Variants in HOXC4 observed in about 807,000 individuals in gnomAD.
HOXC4 encodes the protein homeobox protein Hox-C4.
Under a neutral mutation model 25.5 loss-of-function variants are expected in HOXC4, and 15 were observed. That is an observed-to-expected ratio of 0.59 (90% confidence interval 0.39 to 0.91). The LOEUF is 0.91. HOXC4 is among the 40% of genes least tolerant of loss of function. HOXC4 has a pLI of 0.00. For missense variants in HOXC4, 342 were observed against 352.4 expected (o/e 0.97, Z 0.24); for synonymous variants, 165 against 148.0 (o/e 1.11, Z -0.83).
rs749663420 is a variant in HOXC4 at position 54,030,260 on chromosome 12, C to G, written c.-124+12846C>G. The stretch of plus-strand genomic sequence containing the variant: ...GCTCGGACCCTGAACTCAGACTCTA[C>G]AGATTGCCCTCCAAGTGAGGACTTG... On this transcript the variant is annotated intron_variant, in intron 1 of 3. Coordinates refer to the HOXC4 transcript ENST00000303406. 3.8e-5 allele frequency: 9 copies of G among 237,032 alleles called. No homozygotes were observed. The Middle Eastern group carries it at 5.3e-3, about 139-fold the overall frequency. 14.7% of individuals were successfully genotyped at this position (237,032 alleles called of 1,614,324 possible).
Position 54,055,057 on chromosome 12 carries a change from G to T in HOXC4, c.647G>T (p.Arg216Leu). ...NRRMKWKKDH[R>L]LPNTKVRSAP... Reference sequence around the variant, plus strand: ...CGCATGAAATGGAAGAAGGACCACCGACTCCCCAACACCAAAGTCAGGTCA... The same window carrying T: ...CGCATGAAATGGAAGAAGGACCACCTACTCCCCAACACCAAAGTCAGGTCA... The change falls in exon 2 of 2, where the codon CGA becomes CTA. Residue 216 changes from arginine to leucine, a missense_variant. Transcript: ENST00000430889. The T allele has an allele frequency of 6.2e-7, 1 of 1,613,572 alleles. No homozygotes were observed. The highest frequency in any genetic ancestry group is 1.1e-5 in the South Asian group (1 of 91,014).
chr12:54,034,123 G>C, intron 1 of HOXC4: 6 of 763,320 alleles, frequency 7.9e-6, no homozygotes, highest in Non-Finnish European at 1.4e-5. Flanking sequence ...CCCGGGGCTG[G>C]GCTGGGCTGG....
chr12:54,019,283 T>C (rs972989732), intron 1 of HOXC4, among the ~76,000 whole-genome samples: 1 of 144,410 alleles, frequency 6.9e-6, no homozygotes, highest in Admixed American at 7.5e-5. Flanking sequence ...TCTCCCCAAA[T>C]GGGCCCAGCC....
chr12:54,029,748 A>G, intron 1 of HOXC4: 1 of 1,614,156 alleles, frequency 6.2e-7, no homozygotes, highest in Non-Finnish European at 8.5e-7. Flanking sequence ...TTCAATCGCT[A>G]CCTAACGCGG....
At chr12:54,052,572 G>C (rs865866823), upstream of HOXC4, among the ~76,000 whole-genome samples, 3 of 149,186 alleles carry the variant, frequency 2.0e-5, no homozygotes, top group South Asian at 2.1e-4. Flanking sequence ...CCCTAGCTGG[G>C]GGGGGGGGGT....
At position 54,055,415 on chromosome 12, in the gene HOXC4, G is replaced by C. The variant is rs1324586099; in HGVS notation, c.*210G>C. 5.2e-6 allele frequency: 1 copy of C among 193,092 alleles called. No individual in the cohort carries two copies. The highest frequency in any genetic ancestry group is 1.1e-4 in the East Asian group (1 of 8,696). The allele number at this position is 193,092 out of a possible 1,614,324, so 12.0% of individuals were successfully genotyped here. ...GCCCTCCTCTCCCTCCCACTGTTAA[G>C]GACCCTTTTAAGCATGTGATGTTGT... On this transcript the variant is annotated 3_prime_UTR_variant, in exon 2 of 2. Coordinates refer to ENST00000430889, the MANE Select transcript of HOXC4 (RefSeq NM_153633.3).
intron 1 of HOXC4, among the ~76,000 whole-genome samples, chr12:54,043,485 C>T (rs1312687360): frequency 6.6e-6 from 1 of 152,122 alleles, no homozygotes; most frequent in Admixed American, 6.5e-5. Flanking sequence ...AGGTCAGAAG[C>T]CTGGGCTGGA....
intron 1 of HOXC4, chr12:54,034,219 CG>C: frequency 6.8e-7 from 1 of 1,467,942 alleles, no homozygotes; most frequent in Non-Finnish European, 9.5e-7. Context: ...GGGGTGGGGA[CG>C]GGGGAACGCT....
chr12:54,048,292 G>T (rs1937765941), intron 1 of HOXC4, among the ~76,000 whole-genome samples: 1 of 152,054 alleles, frequency 6.6e-6, no homozygotes, highest in South Asian at 2.1e-4. Context: ...AGGAGACCGC[G>T]CTCTCCAAAG....
chr12:54,040,476 G>A (rs751307130), intron 1 of HOXC4, among the ~76,000 whole-genome samples: 1 of 152,108 alleles, frequency 6.6e-6, no homozygotes, highest in Admixed American at 6.6e-5. Context: ...AGCCTCCTCT[G>A]TCAGTCCCTG....
chr12:54,019,531 A>G (rs998793498), intron 1 of HOXC4, among the ~76,000 whole-genome samples: 1 of 151,972 alleles, frequency 6.6e-6, no homozygotes, highest in Non-Finnish European at 1.5e-5. Context: ...TTTCGCCTGC[A>G]TTTTGTCCGC....
chr12:54,028,796 T>C, intron 1 of HOXC4: 1 of 1,614,044 alleles, frequency 6.2e-7, no homozygotes, highest in Non-Finnish European at 8.5e-7. Context: ...CAAAACACCT[T>C]AGGACATAAC....
chr12:54,029,342 T>C (rs1940879545), intron 1 of HOXC4, among the ~76,000 whole-genome samples: 1 of 152,044 alleles, frequency 6.6e-6, no homozygotes, highest in Admixed American at 6.5e-5. Context: ...TCATCCCCAT[T>C]ATCTGGGATT....
intron 1 of HOXC4, among the ~76,000 whole-genome samples, chr12:54,039,124 C>T (rs1941231024): frequency 6.6e-6 from 1 of 151,986 alleles, no homozygotes; most frequent in Non-Finnish European, 1.5e-5. Context: ...GGCTGAATGC[C>T]AGCGGACCCA....
chr12:54,034,859 C>T (rs149895718), intron 1 of HOXC4: 69 of 290,236 alleles, frequency 2.4e-4, no homozygotes, highest in African/African-American at 1.1e-3. Flanking sequence ...AAGGTGGGCC[C>T]GGCCCGCGCC....
Position 54,055,113 on chromosome 12 carries a change from C to T in HOXC4, c.703C>T (p.Leu235Phe). 6.2e-7 allele frequency: 1 copy of T among 1,613,322 alleles called. No individual in the cohort carries two copies. The highest frequency in any genetic ancestry group is 8.5e-7 in the Non-Finnish European group (1 of 1,179,846). Reference sequence around the variant, plus strand: ...CCCGGCCGGCGCTGCGCCCAGCACCCTTTCGGCAGCTACCCCGGGTACTTC... The same window carrying T: ...CCCGGCCGGCGCTGCGCCCAGCACCTTTTCGGCAGCTACCCCGGGTACTTC... ...APPAGAAPST[L>F]SAATPGTSED... The change falls in exon 2 of 2, where the codon CTT (leucine) becomes TTT (phenylalanine). Residue 235 changes from leucine to phenylalanine, a missense_variant. Transcript: ENST00000430889.
chr12:54,016,909 G>C (rs1178625176), upstream of HOXC4: 3 of 152,212 alleles, frequency 2.0e-5, no homozygotes, highest in Non-Finnish European at 4.4e-5. Context: ...CTCCCTGTAA[G>C]AGCCTAACCA....
At chr12:54,033,601 G>A in intron 1 of HOXC4, 2 of 1,513,380 alleles carry the variant, frequency 1.3e-6, no homozygotes, top group Admixed American at 2.0e-5. Context: ...TTCATTTTGC[G>A]CTCTCGGGTC....
At chr12:54,050,735 T>C (rs1937825088), upstream of HOXC4, among the ~76,000 whole-genome samples, 1 of 152,242 alleles carries the variant, frequency 6.6e-6, no homozygotes, top group Non-Finnish European at 1.5e-5. Flanking sequence ...TGTTGTTTTG[T>C]AAATGATGTA....
Sources: allele counts gnomAD v4.1 joint callset (sites outside exome capture counted in the v4.1 genomes callset), GRCh38; gene constraint gnomAD v4.1.1; transcripts MANE v1.5; gene names NCBI Gene and HGNC (gene_info 2026-07-23, HGNC 2026-07-21).